The following OIP5 variants were observed in gnomAD, a reference collection of about 807,000 sequenced individuals.
OIP5 encodes protein Mis18-beta.
A neutral mutation model predicts 20.3 loss-of-function variants in OIP5; 24 were observed. That is an observed-to-expected ratio of 1.18 (90% CI 0.86 to 1.66). OIP5 has a LOEUF of 1.66. Among genes scored for constraint, OIP5 ranks in the 40% most tolerant of loss-of-function variants. The pLI, the probability that OIP5 is intolerant of heterozygous loss-of-function variation, is 0.00. For synonymous variants in OIP5, 143 were observed against 121.3 expected (o/e 1.18, Z -1.17); for missense variants, 339 against 289.5 (o/e 1.17, Z -1.24).
At chr15:41,329,505 G>A (rs1239036796) in intron 2 of OIP5, among the ~76,000 whole-genome samples, 3 of 151,486 alleles carry the variant, frequency 2.0e-5, no homozygotes, top group East Asian at 3.9e-4. Context: ...TAGTAGAGAC[G>A]TGGTTTCACC....
chr15:41,320,852 G>A (rs1208915524), intron 2 of OIP5, among the ~76,000 whole-genome samples: 2 of 150,324 alleles, frequency 1.3e-5, no homozygotes, highest in Non-Finnish European at 1.5e-5. Flanking sequence ...GCCTCTTCCC[G>A]GCCGCCATCC....
At position 41,332,393 on chromosome 15, in the gene OIP5, C is replaced by A. The variant is rs142040983; in HGVS notation, c.169G>T (p.Ala57Ser). 2 of 1,613,356 alleles carry A rather than the reference C, an allele frequency of 1.2e-6. No individual in the cohort carries two copies. Among genetic ancestry groups the A allele is most frequent in the East Asian group, 2.2e-5 (1 of 44,880 alleles). ...SSPLGPAGLGAEEPAAGPQLP... is the reference protein window; with the variant it reads ...SSPLGPAGLGSEEPAAGPQLP... Reference sequence around the variant, plus strand: ...TGCGGGCCGGCGGCTGGCTCCTCAGCCCCCAGCCCTGCGGGGCCGAGCGGC... The same window carrying A: ...TGCGGGCCGGCGGCTGGCTCCTCAGACCCCAGCCCTGCGGGGCCGAGCGGC... Residue 57 changes from alanine (A) to serine (S), a missense_variant, in exon 1 of 5, where the codon GCT becomes TCT. Physicochemically the swap from Ala to Ser is moderately conservative, Grantham distance 99 (BLOSUM62 1). Coordinates refer to ENST00000220514, the MANE Select transcript of OIP5 (RefSeq NM_007280.2).
In OIP5 at chr15:41,332,567, C is replaced by T. The variant is rs768107827; in HGVS notation, c.-6G>A. 4.5e-5 allele frequency: 71 copies of T among 1,592,154 alleles called. No homozygotes were observed. The highest frequency in any genetic ancestry group is 5.6e-5 in the Non-Finnish European group (65 of 1,169,800). On this transcript the variant is annotated 5_prime_UTR_variant, in exon 1 of 5. Transcript: ENST00000220514. The stretch of plus-strand genomic sequence containing the variant: ...CGCAGCGGCTGAGCCGCCATCTTCC[C>T]GCAGCCGGCGCCTTCCTTTCGAATA...
chr15:41,309,968 A>G, intron 4 of OIP5, 119 bp from the exon 5 acceptor site: 1 of 609,708 alleles, frequency 1.6e-6, no homozygotes, highest in Non-Finnish European at 2.8e-6. Flanking sequence ...AGTTCACTGC[A>G]GCCTCAAGCT....
At chr15:41,311,606 C>T (rs931660659) in intron 4 of OIP5, among the ~76,000 whole-genome samples, 1 of 152,124 alleles carries the variant, frequency 6.6e-6, no homozygotes, top group Non-Finnish European at 1.5e-5. Context: ...TTCTCACTGT[C>T]ACCCAGGCTA....
intron 2 of OIP5, among the ~76,000 whole-genome samples, chr15:41,321,656 T>C (rs932261357): frequency 2.0e-5 from 3 of 152,010 alleles, no homozygotes; most frequent in Admixed American, 2.0e-4. Flanking sequence ...ACATGTGCTG[T>C]GTCCACTCAG....
chr15:41,311,120 C>T (rs2140457322), intron 4 of OIP5, among the ~76,000 whole-genome samples: 1 of 152,264 alleles, frequency 6.6e-6, no homozygotes, highest in East Asian at 1.9e-4. Context: ...GTAATCCCAG[C>T]AGTTTGGTAG....
intron 2 of OIP5, 56 bp from the exon 3 acceptor site, chr15:41,319,836 A>C (rs2047812118): frequency 6.9e-7 from 1 of 1,450,162 alleles, no homozygotes; most frequent in Non-Finnish European, 9.4e-7. Flanking sequence ...ATAAGAAATA[A>C]AAAATAACTA....
chr15:41,325,399 C>A (rs1195446965), intron 2 of OIP5, among the ~76,000 whole-genome samples: 1 of 151,866 alleles, frequency 6.6e-6, no homozygotes, highest in Non-Finnish European at 1.5e-5. Context: ...GAGCGAGCCT[C>A]CGTCTCAAAA....
chr15:41,311,264 C>T (rs2047752233), intron 4 of OIP5, among the ~76,000 whole-genome samples: 1 of 152,020 alleles, frequency 6.6e-6, no homozygotes, highest in African/African-American at 2.4e-5. Context: ...GCCTGTAGTC[C>T]CAGGTACTCA....
At chr15:41,313,442 CA>C in intron 3 of OIP5, 88 bp from the exon 4 acceptor site, 7 of 719,542 alleles carry the variant, frequency 9.7e-6, no homozygotes, top group Admixed American at 2.8e-5. Context: ...AAGTATGTGT[CA>C]AAAAAAGCCT....
At chr15:41,322,043 G>A (rs2047834054) in intron 2 of OIP5, among the ~76,000 whole-genome samples, 2 of 152,184 alleles carry the variant, frequency 1.3e-5, no homozygotes, top group Admixed American at 1.3e-4. Context: ...CCTCTGAAAA[G>A]ATTACTGATG....
At chr15:41,332,203 T>G in intron 1 of OIP5, 37 bp downstream of exon 1, 1 of 1,522,134 alleles carries the variant, frequency 6.6e-7, no homozygotes, top group Non-Finnish European at 8.8e-7. Flanking sequence ...CCTCTCGGGC[T>G]AGCCTCTGCC....
chr15:41,311,127 G>C (rs2047751146), intron 4 of OIP5, among the ~76,000 whole-genome samples: 1 of 152,188 alleles, frequency 6.6e-6, no homozygotes, highest in African/African-American at 2.4e-5. Context: ...CAGCAGTTTG[G>C]TAGGCCGAGG....
intron 2 of OIP5, among the ~76,000 whole-genome samples, chr15:41,322,423 A>G (rs7163989): frequency 0.29 from 44,603 of 151,918 alleles, 7,081 homozygotes; most frequent in African/African-American, 0.4. Flanking sequence ...TTTTGAGACA[A>G]GTTCTTGCTC....
chr15:41,319,870 T>C, intron 2 of OIP5, 90 bp from the exon 3 acceptor site: 1 of 1,032,990 alleles, frequency 9.7e-7, no homozygotes, highest in East Asian at 2.8e-5. Flanking sequence ...TCCTAACACC[T>C]AAGTCAGGGT....
chr15:41,315,630 C>T (rs1199674586), intron 3 of OIP5, among the ~76,000 whole-genome samples: 1 of 152,162 alleles, frequency 6.6e-6, no homozygotes, highest in East Asian at 1.9e-4. Flanking sequence ...TTATCCAACT[C>T]ATTTTAAAGA....
intron 2 of OIP5, among the ~76,000 whole-genome samples, chr15:41,330,654 C>T (rs971655862): frequency 1.6e-4 from 24 of 151,656 alleles, no homozygotes; most frequent in African/African-American, 4.8e-4. Flanking sequence ...CCGCCCGCCT[C>T]GGCCTCCCAA....
intron 3 of OIP5, among the ~76,000 whole-genome samples, chr15:41,314,442 G>A (rs186293448): frequency 8.6e-5 from 13 of 152,020 alleles, no homozygotes; most frequent in Admixed American, 2.6e-4. Flanking sequence ...TTTTTGCCAT[G>A]AGCCTACTGT....
Sources: allele counts gnomAD v4.1 joint callset (sites outside exome capture counted in the v4.1 genomes callset), GRCh38; gene constraint gnomAD v4.1.1; transcripts MANE v1.5; gene names NCBI Gene and HGNC (gene_info 2026-07-23, HGNC 2026-07-21).